KERA: variants seen among roughly 807,000 people sequenced by gnomAD.
KERA encodes the protein keratocan.
A neutral mutation model predicts 26.4 loss-of-function variants in KERA; 25 were observed. The observed-to-expected ratio is 0.95, with a 90% CI of 0.69 to 1.32. The LOEUF (loss-of-function observed/expected upper bound fraction) is 1.32. Ranked by LOEUF, KERA falls within the 40% of genes most tolerant of loss-of-function variation. KERA has a pLI of 0.00. For missense variants in KERA, 434 were observed against 408.9 expected (o/e 1.06, Z -0.53); for synonymous variants, 167 against 146.1 (o/e 1.14, Z -1.03).
intron 1 of KERA, among the ~76,000 whole-genome samples, chr12:91,056,751 C>A (rs1011096403): frequency 1.3e-5 from 2 of 151,136 alleles, no homozygotes; most frequent in Non-Finnish European, 3.0e-5. Context: ...ATTTCCTAGG[C>A]CTTTTGGCCC....
At position 91,057,943 on chromosome 12, in the gene KERA, C is replaced by A. The variant is rs542111794; in HGVS notation, c.-208G>T. On this transcript the variant is annotated 5_prime_UTR_variant, in exon 1 of 3. Coordinates refer to ENST00000266719, the MANE Select transcript of KERA (RefSeq NM_007035.4). ...ATCTATTGTTTCCACTTTGACAGGG[C>A]TTCAGAAGACTGCTTACCTCAGCCT... 3.3e-5 allele frequency: 5 copies of A among 151,358 alleles called. 1 individual carries two copies. The South Asian group carries it at 1.0e-3, about 31-fold the overall frequency. The allele number at this position is 151,358 out of a possible 1,614,324, so 9.4% of individuals were successfully genotyped here.
chr12:91,053,124 A>G (rs1878906304), intron 2 of KERA, among the ~76,000 whole-genome samples: 1 of 151,458 alleles, frequency 6.6e-6, no homozygotes, highest in Non-Finnish European at 1.5e-5. Context: ...CAACTAGAGT[A>G]GATGATGTGG....
intron 1 of KERA, among the ~76,000 whole-genome samples, chr12:91,056,982 T>C (rs1287343824): frequency 1.3e-5 from 2 of 150,640 alleles, no homozygotes; most frequent in Non-Finnish European, 3.0e-5. Context: ...TCCCTTTCTC[T>C]CTCTCTCTCT....
chr12:91,053,402 G>A (rs548239274), intron 2 of KERA, among the ~76,000 whole-genome samples: 12 of 151,320 alleles, frequency 7.9e-5, no homozygotes, highest in African/African-American at 2.9e-4. Flanking sequence ...TCTGGCTATT[G>A]CATTTACCCT....
Position 91,051,085 on chromosome 12 carries a change from C to T in KERA, c.*261G>A, listed in dbSNP as rs73354186. On this transcript the variant is annotated 3_prime_UTR_variant, in exon 3 of 3. Coordinates refer to ENST00000266719, the MANE Select transcript of KERA (RefSeq NM_007035.4). Reference sequence around the variant, plus strand: ...TAGTGTTAATAAGCTATGGAAGAGACCAAAATAAAACTATCTTTGAGTTGA... The same window carrying T: ...TAGTGTTAATAAGCTATGGAAGAGATCAAAATAAAACTATCTTTGAGTTGA... 953 of 420,468 alleles carry T rather than the reference C, an allele frequency of 2.3e-3. 8 individuals are homozygous for T. The highest frequency in any genetic ancestry group is 0.018 in the African/African-American group (874 of 49,758). 26.0% of individuals were successfully genotyped at this position (420,468 alleles called of 1,614,324 possible).
In KERA at chr12:91,055,951, C is replaced by T. The variant is rs756696166; in HGVS notation, c.331G>A (p.Gly111Arg). ...NLNKNKITNY[G>R]IEKGALSQLK... is the part of the protein sequence containing the mutation. ...TGGCTTAGGGCTCCTTTTTCAATTCCGTAGTTGGTTATTTTGTTCTTGTTT... is the reference window on the plus strand; with the variant it reads ...TGGCTTAGGGCTCCTTTTTCAATTCTGTAGTTGGTTATTTTGTTCTTGTTT... Residue 111 changes from glycine to arginine, a missense_variant, in exon 2 of 3, where the codon GGA (glycine) becomes AGA (arginine). Transcript: ENST00000266719. 1.8e-5 allele frequency: 29 copies of T among 1,610,836 alleles called. No individual in the cohort carries two copies. In the East Asian group the frequency reaches 2.5e-4, roughly 14 times the overall value.
Position 91,055,858 on chromosome 12 carries a change from T to A in KERA, c.424A>T (p.Arg142Ter). 1 of 1,611,370 alleles carries A rather than the reference T, an allele frequency of 6.2e-7. No homozygotes were observed. The highest frequency in any genetic ancestry group is 2.2e-5 in the East Asian group (1 of 44,810). ...GCTAATTGTAATTGTTCTAAACTTC[T>A]TGGCAATGGAGAAGGTACCTCCTCT... ...ELEEVPSPLP[R>*]SLEQLQLARN... is the part of the protein sequence containing the mutation. The change falls in exon 2 of 3, where the codon AGA becomes TGA. Residue 142 changes from arginine to a stop codon, truncating the protein, a stop_gained. Coordinates refer to ENST00000266719, the MANE Select transcript of KERA (RefSeq NM_007035.4). LOFTEE classifies it high-confidence loss of function.
At chr12:91,052,877 A>G (rs1878900685) in intron 2 of KERA, among the ~76,000 whole-genome samples, 1 of 151,504 alleles carries the variant, frequency 6.6e-6, no homozygotes. Flanking sequence ...GTCTGAATAA[A>G]TGAATATAAA....
intron 2 of KERA, 55 bp from the exon 3 acceptor site, chr12:91,051,573 T>G: frequency 7.5e-7 from 1 of 1,340,078 alleles, no homozygotes; most frequent in Non-Finnish European, 1.1e-6. Context: ...AAACTAACAG[T>G]GGGAAGACCA....
intron 2 of KERA, among the ~76,000 whole-genome samples, chr12:91,051,834 A>T (rs1878875338): frequency 6.6e-6 from 1 of 151,546 alleles, no homozygotes; most frequent in Non-Finnish European, 1.5e-5. Flanking sequence ...TTTGCAGGTA[A>T]GATAAAGCAC....
chr12:91,056,225 C>G lies in KERA; in HGVS notation c.57G>C (p.Trp19Cys). The change falls in exon 2 of 3, where the codon TGG becomes TGC. Residue 19 changes from tryptophan (W) to cysteine (C), a missense_variant. By Grantham distance (215) the Trp-to-Cys change is radical (BLOSUM62 -2). Coordinates refer to ENST00000266719, the MANE Select transcript of KERA (RefSeq NM_007035.4). ...MWVLFITDTV[W>C]SRSVRQVYEV... Reference sequence around the variant, plus strand: ...CATAGACCTGCCTCACACTTCTAGACCACACAGTGTCTGTTATGAATAACA... The same window carrying G: ...CATAGACCTGCCTCACACTTCTAGAGCACACAGTGTCTGTTATGAATAACA... 6.2e-7 allele frequency: 1 copy of G among 1,609,380 alleles called. No homozygotes were observed. Among genetic ancestry groups the G allele is most frequent in the Non-Finnish European group, 8.5e-7 (1 of 1,177,002 alleles).
Position 91,056,095 on chromosome 12 carries a change from G to A in KERA, c.187C>T (p.Leu63Phe), listed in dbSNP as rs1175146388. Reference sequence around the variant, plus strand: ...GAAGGAATAGCAGGAATTTCTTTGAGACCTCTATTTTCACAATATAAAGCA... The same window carrying A: ...GAAGGAATAGCAGGAATTTCTTTGAAACCTCTATTTTCACAATATAAAGCA... ...PTALYCENRG[L>F]KEIPAIPSRI... The change falls in exon 2 of 3, where the codon CTC (leucine) becomes TTC (phenylalanine). Residue 63 changes from leucine (L) to phenylalanine (F), a missense_variant. Transcript: ENST00000266719. 6.2e-7 allele frequency: 1 copy of A among 1,609,052 alleles called. No homozygotes were observed.
intron 1 of KERA, 87 bp from the exon 2 acceptor site, chr12:91,056,376 C>T (rs1565745987): frequency 1.1e-5 from 12 of 1,068,664 alleles, no homozygotes; most frequent in Admixed American, 3.5e-5. Context: ...GTAAACATTG[C>T]TTCTTCAGGG....
Position 91,051,449 on chromosome 12 carries a change from C to T in KERA, c.956G>A (p.Gly319Glu), listed in dbSNP as rs760337736. Reference protein sequence around the residue: ...LPAERDSFSYGPHLRYLRLDG... With the variant: ...LPAERDSFSYEPHLRYLRLDG... ...CAGACGGAGGTAGCGAAGATGAGGT[C>T]CATAACTGAAGGAATCTCGTTCTGC... Residue 319 changes from glycine to glutamate, a missense_variant, in exon 3 of 3, where the codon GGA (glycine) becomes GAA (glutamate). Physicochemically the swap from Gly to Glu is moderately conservative, Grantham distance 98. Coordinates refer to ENST00000266719, the MANE Select transcript of KERA (RefSeq NM_007035.4). 3 of 1,610,772 alleles carry T rather than the reference C, an allele frequency of 1.9e-6. No homozygotes were observed. The highest frequency in any genetic ancestry group is 2.7e-5 in the African/African-American group (2 of 74,654).
At chr12:91,053,995 T>C (rs1878927116) in intron 2 of KERA, among the ~76,000 whole-genome samples, 4 of 150,302 alleles carry the variant, frequency 2.7e-5, no homozygotes, top group Admixed American at 2.7e-4. Flanking sequence ...TAGGTCAATA[T>C]TGTTGTTGTT....
Position 91,050,668 on chromosome 12 carries a change from C to A in KERA, c.*678G>T, listed in dbSNP as rs10859101. The A allele has an allele frequency of 0.11, 16,774 of 151,852 alleles. 1,909 individuals are homozygous for A. The highest frequency in any genetic ancestry group is 0.29 in the African/African-American group (11,939 of 41,340). 9.4% of individuals were successfully genotyped at this position (151,852 alleles called of 1,614,324 possible). ...AAACACTAAGATTCCACAAGAAATG[C>A]ATTATAATAAACATAAAATTTAGAA... On this transcript the variant is annotated 3_prime_UTR_variant, in exon 3 of 3. Coordinates refer to ENST00000266719, the MANE Select transcript of KERA (RefSeq NM_007035.4).
At position 91,055,939 on chromosome 12, in the gene KERA, CT is replaced by C; in HGVS notation, c.342del (p.Gly115GlufsTer3). On this transcript the variant is annotated frameshift_variant, in exon 2 of 3. Transcript: ENST00000266719. LOFTEE classifies it high-confidence loss of function. ...KNKITNYGIE[K>X]GALSQLKKLL... ...AACTTCTTCAGCTGGCTTAGGGCTCCTTTTTCAATTCCGTAGTTGGTTATTT... is the reference window on the plus strand; with the variant it reads ...AACTTCTTCAGCTGGCTTAGGGCTCCTTTTCAATTCCGTAGTTGGTTATTT... The C allele has an allele frequency of 6.2e-7, 1 of 1,611,132 alleles. No homozygotes were observed. The highest frequency in any genetic ancestry group is 8.5e-7 in the Non-Finnish European group (1 of 1,178,182).
chr12:91,052,180 T>C (rs893738497), intron 2 of KERA, among the ~76,000 whole-genome samples: 4 of 151,432 alleles, frequency 2.6e-5, no homozygotes, highest in Non-Finnish European at 5.9e-5. Flanking sequence ...AGCCAGAAAA[T>C]ATCCCAGCAG....
At chr12:91,053,145 C>T (rs572986315) in intron 2 of KERA, among the ~76,000 whole-genome samples, 3 of 151,420 alleles carry the variant, frequency 2.0e-5, no homozygotes, top group South Asian at 2.1e-4. Flanking sequence ...CTAGAAGAAG[C>T]AAGTACTTAA....
Sources: allele counts gnomAD v4.1 joint callset (sites outside exome capture counted in the v4.1 genomes callset), GRCh38; gene constraint gnomAD v4.1.1; transcripts MANE v1.5; gene names NCBI Gene and HGNC (gene_info 2026-07-23, HGNC 2026-07-21).